Variants in SHISA6 observed in about 807,000 individuals in gnomAD.
SHISA6 encodes the protein shisa family member 6, also known as protein shisa-6.
A neutral mutation model predicts 47.9 loss-of-function variants in SHISA6; 22 were observed. That is an observed-to-expected ratio of 0.46 (90% CI 0.33 to 0.66). The LOEUF is 0.66. Among genes scored for constraint, SHISA6 ranks in the 30% least tolerant of loss-of-function variants. The pLI is 0.02. For synonymous variants in SHISA6, 388 were observed against 337.8 expected (o/e 1.15, Z -1.63); for missense variants, 680 against 764.6 (o/e 0.89, Z 1.30).
chr17:11,243,079 G>A (rs971611782), intron 1 of SHISA6, among the ~76,000 whole-genome samples: 2 of 151,722 alleles, frequency 1.3e-5, no homozygotes, highest in Non-Finnish European at 1.5e-5. Flanking sequence ...GCATGGTGTG[G>A]GCACTGCCCT....
At position 11,561,137 on chromosome 17, in the gene SHISA6, G is replaced by A. The variant is rs2072039182; in HGVS notation, c.*2833G>A. 6.6e-6 allele frequency: 1 copy of A among 152,162 alleles called. No individual in the cohort carries two copies. The highest frequency in any genetic ancestry group is 2.1e-4 in the South Asian group (1 of 4,832). 9.4% of individuals were successfully genotyped at this position (152,162 alleles called of 1,614,324 possible). A position where few individuals can be genotyped will look rare whatever the true frequency, so the allele number is the denominator to read the frequency against. Reference sequence around the variant, plus strand: ...GTAGCAGATAAAAGAGGCTTCTGGGGCTGGAACCTAGATGCCATGATTTCT... The same window carrying A: ...GTAGCAGATAAAAGAGGCTTCTGGGACTGGAACCTAGATGCCATGATTTCT... On this transcript the variant is annotated 3_prime_UTR_variant, in exon 6 of 6. Transcript: ENST00000441885.
intron 2 of SHISA6, among the ~76,000 whole-genome samples, chr17:11,274,453 C>T (rs549406581): frequency 2.0e-4 from 30 of 152,298 alleles, no homozygotes; most frequent in East Asian, 1.9e-4. Context: ...TGGGCAAGGG[C>T]GGCCCTGAGC....
intron 3 of SHISA6, among the ~76,000 whole-genome samples, chr17:11,525,354 G>A (rs2142366109): frequency 6.6e-6 from 1 of 152,250 alleles, no homozygotes; most frequent in Non-Finnish European, 1.5e-5. Flanking sequence ...ATATTGTGAG[G>A]CCAGGCTTGG....
At chr17:11,313,398 C>A (rs924988432) in intron 2 of SHISA6, among the ~76,000 whole-genome samples, 1 of 152,148 alleles carries the variant, frequency 6.6e-6, no homozygotes, top group African/African-American at 2.4e-5. Context: ...TGAGTCCTTT[C>A]TACATACTGT....
intron 3 of SHISA6, among the ~76,000 whole-genome samples, chr17:11,397,286 A>T (rs1195882201): frequency 6.6e-6 from 1 of 151,936 alleles, no homozygotes; most frequent in African/African-American, 2.4e-5. Flanking sequence ...CAATGTGATT[A>T]TTCTACTTTT....
At chr17:11,385,664 G>T (rs1913166680) in intron 3 of SHISA6, among the ~76,000 whole-genome samples, 1 of 152,082 alleles carries the variant, frequency 6.6e-6, no homozygotes, top group Non-Finnish European at 1.5e-5. Context: ...AAGCTGGGAG[G>T]ATATTAGCTA....
intron 2 of SHISA6, among the ~76,000 whole-genome samples, chr17:11,322,257 C>A (rs1054670456): frequency 1.3e-5 from 2 of 151,648 alleles, no homozygotes; most frequent in African/African-American, 4.8e-5. Context: ...AGTCAAAGAA[C>A]GTAAAAAAGA....
chr17:11,376,622 C>T (rs1912811708), intron 2 of SHISA6, among the ~76,000 whole-genome samples: 1 of 152,216 alleles, frequency 6.6e-6, no homozygotes, highest in African/African-American at 2.4e-5. Context: ...CTGCGCCCGG[C>T]CTGGGGCTTC....
chr17:11,401,391 G>T (rs1290739049), intron 3 of SHISA6, among the ~76,000 whole-genome samples: 1 of 152,168 alleles, frequency 6.6e-6, no homozygotes, highest in Non-Finnish European at 1.5e-5. Flanking sequence ...TAGAGTCAGG[G>T]TTTCACCATG....
intron 2 of SHISA6, among the ~76,000 whole-genome samples, chr17:11,356,206 C>G (rs1912074206): frequency 6.6e-6 from 1 of 152,202 alleles, no homozygotes; most frequent in African/African-American, 2.4e-5. Flanking sequence ...CCTGTTGATG[C>G]AAACTCCACT....
chr17:11,329,256 G>C (rs1171528852), intron 2 of SHISA6, among the ~76,000 whole-genome samples: 1 of 152,180 alleles, frequency 6.6e-6, no homozygotes, highest in Non-Finnish European at 1.5e-5. Flanking sequence ...GCTGCTCATG[G>C]ACTGCTGAAC....
intron 1 of SHISA6, among the ~76,000 whole-genome samples, chr17:11,256,139 A>G (rs949436343): frequency 1.3e-5 from 2 of 152,200 alleles, no homozygotes; most frequent in African/African-American, 4.8e-5. Flanking sequence ...TGTGGCCATT[A>G]GGCTGTGCTG....
At position 11,316,716 on chromosome 17, in the gene SHISA6, G is replaced by A. The variant is rs184100875; in HGVS notation, c.799+53190G>A. ...ATTATAGGAGTGAGCTACCACGCCCGGCCCATCCTTCTCTTTTATGTAGAC... is the reference window on the plus strand; with the variant it reads ...ATTATAGGAGTGAGCTACCACGCCCAGCCCATCCTTCTCTTTTATGTAGAC... On this transcript the variant is annotated intron_variant, in intron 2 of 5. Transcript: ENST00000441885. 6.5e-4 allele frequency among the ~76,000 whole-genome samples: 99 copies of A among 152,036 alleles called. 1 individual carries two copies. In the East Asian group the frequency reaches 0.019, roughly 29 times the overall value.
At chr17:11,433,642 A>G (rs1914852899) in intron 3 of SHISA6, among the ~76,000 whole-genome samples, 2 of 152,198 alleles carry the variant, frequency 1.3e-5, no homozygotes, top group Admixed American at 6.5e-5. Context: ...TACTGGGTAT[A>G]TACCCAGCTG....
chr17:11,353,171 A>G (rs576291838), intron 2 of SHISA6, among the ~76,000 whole-genome samples: 1 of 152,174 alleles, frequency 6.6e-6, no homozygotes, highest in Admixed American at 6.6e-5. Flanking sequence ...AAAAAAGGAG[A>G]ACACGGGCCG....
At chr17:11,371,149 C>T (rs1441116823) in intron 2 of SHISA6, among the ~76,000 whole-genome samples, 1 of 152,212 alleles carries the variant, frequency 6.6e-6, no homozygotes, top group African/African-American at 2.4e-5. Flanking sequence ...GTGCAATCTC[C>T]AGTTAGACCT....
intron 2 of SHISA6, among the ~76,000 whole-genome samples, chr17:11,300,036 T>C (rs1018001176): frequency 4.0e-5 from 6 of 151,206 alleles, no homozygotes; most frequent in Non-Finnish European, 8.8e-5. Flanking sequence ...TCCCAGCTAC[T>C]TGGGAGGCTG....
chr17:11,247,071 C>A (rs1212004927), intron 1 of SHISA6, among the ~76,000 whole-genome samples: 2 of 152,146 alleles, frequency 1.3e-5, no homozygotes, highest in Non-Finnish European at 2.9e-5. Flanking sequence ...ACCCACTGTT[C>A]TAGGCTGCCA....
At chr17:11,300,182 GAAAA>G (rs1376329627) in intron 2 of SHISA6, among the ~76,000 whole-genome samples, 2 of 148,094 alleles carry the variant, frequency 1.4e-5, no homozygotes, top group Admixed American at 6.7e-5. Flanking sequence ...CAAGAAAAAA[GAAAA>G]AAAGAAAGGC....
Sources: allele counts gnomAD v4.1 joint callset (sites outside exome capture counted in the v4.1 genomes callset), GRCh38; gene constraint gnomAD v4.1.1; transcripts MANE v1.5; gene names NCBI Gene and HGNC (gene_info 2026-07-23, HGNC 2026-07-21).